The following NAV2 variants were observed in gnomAD, a reference collection of about 807,000 sequenced individuals.
NAV2 encodes the protein helicase, APC down-regulated 1.
Under a neutral mutation model 223.2 loss-of-function variants are expected in NAV2, and 54 were observed. The ratio of observed to expected loss-of-function variants is 0.24; its 90% CI spans 0.19 to 0.30. NAV2 has a LOEUF of 0.30. Among genes scored for constraint, NAV2 ranks in the 10% least tolerant of loss-of-function variants. NAV2 has a pLI of 1.00. For missense variants in NAV2, 2,806 were observed against 3,147.5 expected, an observed-to-expected ratio of 0.89 and a Z score of 2.60; for synonymous variants, 1,279 against 1,239.3, an observed-to-expected ratio of 1.03 and a Z score of -0.67.
At chr11:19,380,648 G>A (rs922525922) in intron 1 of NAV2, 1 of 152,224 alleles carries the variant, frequency 6.6e-6, no homozygotes, top group Non-Finnish European at 1.5e-5. Context: ...GTGGAGGAAG[G>A]TACACCCTCT....
chr11:19,403,925 G>A (rs576152464), intron 1 of NAV2, among the ~76,000 whole-genome samples: 41 of 70,142 alleles, frequency 5.8e-4, no homozygotes, highest in East Asian at 1.5e-3. Context: ...GACTCCTTGC[G>A]TACGTGGCTC....
intron 1 of NAV2, among the ~76,000 whole-genome samples, chr11:19,587,414 G>A (rs2045934991): frequency 6.6e-6 from 1 of 152,190 alleles, no homozygotes; most frequent in African/African-American, 2.4e-5. Flanking sequence ...TCCTCAGTGA[G>A]ATGAACCTGG....
chr11:19,678,668 G>T (rs184975000), intron 1 of NAV2, among the ~76,000 whole-genome samples: 1 of 152,256 alleles, frequency 6.6e-6, no homozygotes, highest in East Asian at 1.9e-4. Flanking sequence ...AATTGGCAGT[G>T]TCGAAAGAGA....
chr11:19,629,852 C>T (rs966950899), intron 1 of NAV2, among the ~76,000 whole-genome samples: 1 of 152,216 alleles, frequency 6.6e-6, no homozygotes, highest in Non-Finnish European at 1.5e-5. Context: ...GGAATGGCCG[C>T]ATCAACCCTC....
intron 1 of NAV2, among the ~76,000 whole-genome samples, chr11:19,700,922 AGAAT>A (rs2049494092): frequency 6.6e-6 from 1 of 152,238 alleles, no homozygotes; most frequent in African/African-American, 2.4e-5. Context: ...AAACGCTATT[AGAAT>A]GAATGAATGA....
Position 19,998,706 on chromosome 11 carries a change from C to G in NAV2, c.2768+14459C>G, listed in dbSNP as rs1161331165. Among the ~76,000 whole-genome samples, 8 of 80,094 alleles carry G rather than the reference C, an allele frequency of 1.0e-4. No individual in the cohort carries two copies. The highest frequency in any genetic ancestry group is 5.6e-4 in the East Asian group (1 of 1,774). 52.5% of individuals were successfully genotyped at this position (80,094 alleles called of 152,430 possible). On this transcript the variant is annotated intron_variant, in intron 11 of 37. Coordinates refer to ENST00000349880, the MANE Select transcript of NAV2 (RefSeq NM_145117.5). This position sits in a 1 kb window ranked among gnomAD's most constrained non-coding sequence, Gnocchi z 5.0. ...GTCCCCTCTGCATAGACTGTGCTTC[C>G]CCCCCTCTCTCCTTTTCTCCTTATA...
chr11:19,691,980 G>C (rs1269031719), intron 1 of NAV2, among the ~76,000 whole-genome samples: 2 of 152,202 alleles, frequency 1.3e-5, no homozygotes, highest in Non-Finnish European at 2.9e-5. Flanking sequence ...CCCTGCCACT[G>C]TCTGGCCAGG....
intron 1 of NAV2, among the ~76,000 whole-genome samples, chr11:19,760,812 A>G (rs2054677526): frequency 6.6e-6 from 1 of 152,162 alleles, no homozygotes; most frequent in Non-Finnish European, 1.5e-5. Context: ...AGGGAAAAGT[A>G]GGGAGAAAAA....
At chr11:19,976,218 G>A (rs1368971925) in intron 10 of NAV2, among the ~76,000 whole-genome samples, 1 of 152,244 alleles carries the variant, frequency 6.6e-6, no homozygotes, top group South Asian at 2.1e-4. Flanking sequence ...TTATGGAAAT[G>A]TTGAGTCTGA....
At chr11:19,874,502 T>C (rs2153068702) in intron 4 of NAV2, among the ~76,000 whole-genome samples, 1 of 152,332 alleles carries the variant, frequency 6.6e-6, no homozygotes, top group Non-Finnish European at 1.5e-5. Flanking sequence ...TTCCAAAGCC[T>C]TGGGGAATGT....
At chr11:19,689,515 G>A (rs992480204) in intron 1 of NAV2, among the ~76,000 whole-genome samples, 1 of 152,174 alleles carries the variant, frequency 6.6e-6, no homozygotes, top group Non-Finnish European at 1.5e-5. Flanking sequence ...CCAGGAGGAC[G>A]GTCCTCCCCA....
chr11:19,814,614 A>G (rs1039021324), intron 1 of NAV2, among the ~76,000 whole-genome samples: 1 of 152,088 alleles, frequency 6.6e-6, no homozygotes, highest in African/African-American at 2.4e-5. Context: ...TGGTTTTACA[A>G]TCAGAATGGC....
chr11:19,356,560 G>A (rs1853629679), intron 1 of NAV2, among the ~76,000 whole-genome samples: 1 of 152,142 alleles, frequency 6.6e-6, no homozygotes, highest in Non-Finnish European at 1.5e-5. Context: ...AGGTCAGGGA[G>A]GACTTCTCTG....
At chr11:19,747,139 C>T (rs1180315710) in intron 1 of NAV2, among the ~76,000 whole-genome samples, 7 of 141,936 alleles carry the variant, frequency 4.9e-5, no homozygotes, top group South Asian at 2.4e-4. Flanking sequence ...TGAGAACATG[C>T]GGTATTTGGT....
intron 17 of NAV2, among the ~76,000 whole-genome samples, chr11:20,053,177 C>A (rs1321503255): frequency 2.0e-5 from 3 of 147,366 alleles, no homozygotes; most frequent in Admixed American, 6.9e-5. Flanking sequence ...GAGATCATGC[C>A]ACCTTTCTCC....
In NAV2 at chr11:19,892,511, A is replaced by G. The variant is rs747095200; in HGVS notation, c.848A>G (p.Asn283Ser). The G allele has an allele frequency of 3.1e-6, 5 of 1,614,120 alleles. No homozygotes were observed. Among genetic ancestry groups the G allele is most frequent in the Non-Finnish European group, 3.4e-6 (4 of 1,180,048 alleles). The change falls in exon 6 of 38, where the codon AAC (asparagine) becomes AGC (serine). Residue 283 changes from asparagine (N) to serine (S), a missense_variant. Asn to Ser is a conservative substitution (Grantham distance 46). Around this residue, in one of 4 missense-constraint regions of NAV2, gnomAD observed 1,167 missense variants for 1,180.5 expected, o/e 0.99. Coordinates refer to ENST00000349880, the MANE Select transcript of NAV2 (RefSeq NM_145117.5). The stretch of plus-strand genomic sequence containing the variant: ...CGCGGAGGGTCAACTACTGCTAACA[A>G]CCGACGCAGCCAGAGCTTTAACAAC... ...KTRGGSTTAN[N>S]RRSQSFNNYD...
At chr11:19,375,148 C>T (rs1407772353) in intron 1 of NAV2, among the ~76,000 whole-genome samples, 1 of 152,210 alleles carries the variant, frequency 6.6e-6, no homozygotes, top group Non-Finnish European at 1.5e-5. Context: ...TTAGTAAATA[C>T]TCATTTGTCC....
At chr11:19,442,044 G>A (rs1020299207) in intron 1 of NAV2, among the ~76,000 whole-genome samples, 8 of 152,176 alleles carry the variant, frequency 5.3e-5, no homozygotes, top group African/African-American at 9.7e-5. Context: ...CTTGGCAGGC[G>A]GGGCAGGGCT....
intron 1 of NAV2, among the ~76,000 whole-genome samples, chr11:19,634,928 T>C (rs1046600057): frequency 2.0e-5 from 3 of 152,184 alleles, no homozygotes; most frequent in African/African-American, 4.8e-5. Context: ...CAAAGACCTA[T>C]TGGTTTCAAG....
Sources: gnomAD v4.1 joint callset for allele counts (sites outside exome capture counted in the v4.1 genomes callset) on GRCh38, gnomAD v4.1.1 for gene constraint, gnomAD v4.1.1 regional missense constraint, Gnocchi (gnomAD v3.1) non-coding constraint, MANE v1.5 for transcripts, NCBI Gene and HGNC (gene_info 2026-07-23, HGNC 2026-07-21) for gene names.